Variants in TCF7L2 observed in about 807,000 individuals in gnomAD.
The protein encoded by TCF7L2 is transcription factor 7-like 2.
In TCF7L2, 23 loss-of-function variants were observed where a neutral mutation model predicts 77.9. The observed-to-expected ratio is 0.30, with a 90% CI of 0.21 to 0.42. The LOEUF (loss-of-function observed/expected upper bound fraction) is 0.42, where lower values mean the gene tolerates loss of function less well. Ranked by LOEUF, TCF7L2 falls within the 10% of genes least tolerant of loss-of-function variation. The probability of loss-of-function intolerance (pLI) is 1.00; values close to 1 mark genes in which losing one functional copy is unlikely to be tolerated. For synonymous variants in TCF7L2, 413 were observed against 340.2 expected, an observed-to-expected ratio of 1.21 and a Z score of -2.36; for missense variants, 654 against 793.1, an observed-to-expected ratio of 0.82 and a Z score of 2.11.
At chr10:113,163,824 C>G (rs1419228910) in intron 13 of TCF7L2, among the ~76,000 whole-genome samples, 1 of 152,124 alleles carries the variant, frequency 6.6e-6, no homozygotes, top group Non-Finnish European at 1.5e-5. Context: ...CTCCCTTACA[C>G]CCCTCCCCTC....
chr10:113,050,288 G>A (rs1342658916), intron 5 of TCF7L2, among the ~76,000 whole-genome samples: 1 of 152,036 alleles, frequency 6.6e-6, no homozygotes, highest in African/African-American at 2.4e-5. Context: ...AGGTGCTGGG[G>A]TGAAAAAAAC....
At chr10:112,992,276 AACCTGGG>A (rs2042693133) in intron 4 of TCF7L2, among the ~76,000 whole-genome samples, 2 of 152,188 alleles carry the variant, frequency 1.3e-5, no homozygotes, top group South Asian at 4.1e-4. Context: ...GGGATTGGGC[AACCTGGG>A]AAGCAGTGAA....
intron 5 of TCF7L2, among the ~76,000 whole-genome samples, chr10:113,085,528 C>T (rs899661060): frequency 6.6e-6 from 1 of 152,110 alleles, no homozygotes; most frequent in Non-Finnish European, 1.5e-5. Flanking sequence ...AGGTGCTATT[C>T]GATTGCATTA....
At chr10:112,954,553 GAC>G (rs1234629171) in intron 3 of TCF7L2, among the ~76,000 whole-genome samples, 1 of 152,142 alleles carries the variant, frequency 6.6e-6, no homozygotes, top group Non-Finnish European at 1.5e-5. Context: ...CTTTTAAAAA[GAC>G]AGATTCAGAT....
intron 4 of TCF7L2, 118 bp downstream of exon 4, chr10:112,964,742 G>A (rs12221058): frequency 0.012 from 8,352 of 695,030 alleles, 106 homozygotes; most frequent in African/African-American, 0.036. Flanking sequence ...GATGATGATG[G>A]TGGTGGTGGT....
At chr10:113,006,838 C>T (rs1032268515) in intron 4 of TCF7L2, among the ~76,000 whole-genome samples, 6 of 152,226 alleles carry the variant, frequency 3.9e-5, no homozygotes, top group African/African-American at 1.4e-4. Context: ...AAGTCCTGTG[C>T]AGCTGGCCAG....
intron 3 of TCF7L2, among the ~76,000 whole-genome samples, chr10:112,960,826 T>C (rs1056279355): frequency 6.6e-6 from 1 of 152,002 alleles, no homozygotes; most frequent in African/African-American, 2.4e-5. Context: ...TAGCTGGGAT[T>C]ATAGGCGCAC....
intron 5 of TCF7L2, among the ~76,000 whole-genome samples, chr10:113,058,330 C>T (rs900090525): frequency 6.6e-6 from 1 of 152,016 alleles, no homozygotes; most frequent in Admixed American, 6.6e-5. Context: ...TGAAGAGGCC[C>T]TTTAGAGTAG....
At chr10:113,037,577 C>G (rs930267801) in intron 4 of TCF7L2, among the ~76,000 whole-genome samples, 1 of 152,150 alleles carries the variant, frequency 6.6e-6, no homozygotes, top group African/African-American at 2.4e-5. Flanking sequence ...TTGGATGTGG[C>G]ACACAATGAA....
intron 4 of TCF7L2, among the ~76,000 whole-genome samples, chr10:112,980,202 T>G (rs1224832848): frequency 1.3e-5 from 2 of 152,208 alleles, no homozygotes; most frequent in Non-Finnish European, 2.9e-5. Context: ...GAACAGACCC[T>G]TAAGGAAAAG....
At chr10:112,959,391 C>G (rs1331109424) in intron 3 of TCF7L2, among the ~76,000 whole-genome samples, 6 of 152,100 alleles carry the variant, frequency 3.9e-5, no homozygotes, top group African/African-American at 1.4e-4. Flanking sequence ...CGTTCTCTGA[C>G]TCATAGCTGA....
At chr10:113,053,107 A>C (rs2054751531) in intron 5 of TCF7L2, among the ~76,000 whole-genome samples, 1 of 152,196 alleles carries the variant, frequency 6.6e-6, no homozygotes, top group African/African-American at 2.4e-5. Context: ...AAGTTTTGGA[A>C]CATAATTTGA....
At chr10:113,073,293 G>C (rs780499115) in intron 5 of TCF7L2, among the ~76,000 whole-genome samples, 2 of 151,710 alleles carry the variant, frequency 1.3e-5, no homozygotes, top group Non-Finnish European at 2.9e-5. Context: ...TCCCTGTCCT[G>C]CTTGGGTCCT....
At chr10:113,082,068 C>T (rs2059364686) in intron 5 of TCF7L2, among the ~76,000 whole-genome samples, 1 of 151,256 alleles carries the variant, frequency 6.6e-6, no homozygotes, top group Admixed American at 6.6e-5. Context: ...GAACTCTTGA[C>T]CTCAAGTGGT....
intron 5 of TCF7L2, chr10:113,129,748 G>A: frequency 8.0e-7 from 1 of 1,249,720 alleles, no homozygotes; most frequent in African/African-American, 1.6e-5. Context: ...GAAGCTGGGA[G>A]GAAAAAGAAA....
intron 7 of TCF7L2, among the ~76,000 whole-genome samples, 198 bp from the exon 8 acceptor site, chr10:113,145,813 A>G (rs969043163): frequency 7.9e-5 from 12 of 152,320 alleles, no homozygotes; most frequent in African/African-American, 2.6e-4. Flanking sequence ...TTAATTAGCC[A>G]TTCCTATCAG....
rs763881591 is a variant in TCF7L2, at chr10:113,129,854, C to T, written c.553-11330C>T. On this transcript the variant is annotated intron_variant, in intron 5 of 13. Transcript: ENST00000627217. The stretch of plus-strand genomic sequence containing the variant: ...TTTTTAGAGGTGGAGAGAGGGAAAA[C>T]CAAGGCTGTTATGTACCCTAGGGAC... 13 of 1,289,254 alleles carry T rather than the reference C, an allele frequency of 1.0e-5. No individual in the cohort carries two copies. The South Asian group carries it at 1.6e-4, about 16-fold the overall frequency. The allele number at this position is 1,289,254 out of a possible 1,614,324, so 79.9% of individuals were successfully genotyped here. A position where few individuals can be genotyped will look rare whatever the true frequency, so the allele number is the denominator to read the frequency against.
At chr10:113,070,149 G>C (rs905848487) in intron 5 of TCF7L2, among the ~76,000 whole-genome samples, 2 of 151,628 alleles carry the variant, frequency 1.3e-5, no homozygotes, top group African/African-American at 2.4e-5. Flanking sequence ...CCAGCTACTC[G>C]GGAGGCTGAG....
At chr10:112,995,365 G>A (rs894945692) in intron 4 of TCF7L2, among the ~76,000 whole-genome samples, 1 of 152,176 alleles carries the variant, frequency 6.6e-6, no homozygotes, top group Admixed American at 6.5e-5. Context: ...TCCTGACAGT[G>A]GCTGGAGTTC....
Sources: gnomAD v4.1 joint callset for allele counts (sites outside exome capture counted in the v4.1 genomes callset) on GRCh38, gnomAD v4.1.1 for gene constraint, MANE v1.5 for transcripts, NCBI Gene and HGNC (gene_info 2026-07-23, HGNC 2026-07-21) for gene names.